The following COL5A3 variants were observed in gnomAD, a reference collection of about 807,000 sequenced individuals.
COL5A3 encodes the protein collagen type V alpha 3 chain, also known as collagen alpha-3(V) chain.
In COL5A3, 172 loss-of-function variants were observed where a neutral mutation model predicts 250.0. The observed-to-expected ratio is 0.69, with a 90% confidence interval of 0.61 to 0.78. COL5A3 has a LOEUF of 0.78. Among genes scored for constraint, COL5A3 ranks in the 30% least tolerant of loss-of-function variants. The pLI is 0.00. For missense variants in COL5A3, 2,340 were observed against 2,334.4 expected (o/e 1.00, Z -0.05); for synonymous variants, 937 against 900.4 (o/e 1.04, Z -0.73).
chr19:10,004,546 G>A (rs1392758830), intron 4 of COL5A3, among the ~76,000 whole-genome samples: 2 of 152,182 alleles, frequency 1.3e-5, no homozygotes, highest in South Asian at 4.1e-4. Context: ...GGCCAGGCTG[G>A]TCCCGAACTC....
rs866140266 is a variant in COL5A3 at position 9,968,492 on chromosome 19, C to T, written c.4207G>A (p.Gly1403Ser). The change falls in exon 59 of 67, where the codon GGC becomes AGC. Residue 1403 changes from glycine (G) to serine (S), a missense_variant and splice_region_variant. Around this residue, in one of 3 missense-constraint regions of COL5A3, gnomAD observed 1,179 missense variants for 1,162.6 expected, o/e 1.01. Coordinates refer to ENST00000264828, the MANE Select transcript of COL5A3 (RefSeq NM_015719.4). The surrounding 1 kb of genome is among the most constrained non-coding windows in gnomAD (Gnocchi z 4.1). ...KGDTGPKGEK[G>S]HIGLIGLIGP... ...ATGAGACCGATCAATCCAATGTGGC[C>T]CTGAAGGACAAAAGAGGCACAGACA... 6.3e-7 allele frequency: 1 copy of T among 1,584,464 alleles called. No homozygotes were observed. The highest frequency in any genetic ancestry group is 8.5e-7 in the Non-Finnish European group (1 of 1,170,926).
chr19:9,970,860 G>A (rs2086835036), intron 53 of COL5A3, 115 bp downstream of exon 53: 2 of 1,101,044 alleles, frequency 1.8e-6, no homozygotes, highest in South Asian at 3.5e-5. Flanking sequence ...TGAAGCGGGA[G>A]CATCTGCAGG....
In COL5A3 at chr19:10,001,653, G is replaced by A; in HGVS notation, c.981C>T (p.Asp327=). ...CCAGGGTCCCCAGCTCGGTTCCACT[G>A]TCAGGGTCCAAGCTCCTCTGAGAAC... is the stretch of plus-strand genomic sequence containing the variant. ...ATILERSLDP[D]SGTELGTLET... Residue 327 remains aspartate, a synonymous_variant, in exon 8 of 67, where the codon GAC becomes GAT. Coordinates refer to ENST00000264828, the MANE Select transcript of COL5A3 (RefSeq NM_015719.4). 6.2e-7 allele frequency: 1 copy of A among 1,614,030 alleles called. No individual in the cohort carries two copies. The highest frequency in any genetic ancestry group is 1.7e-5 in the Admixed American group (1 of 60,004).
At position 9,968,545 on chromosome 19, in the gene COL5A3, G is replaced by T; in HGVS notation, c.4207-53C>A. ...GGAGGACGTGGGAGGATTCAGGGAG[G>T]TTTTTCTCCTAGAGCCTTAGGGTGA... On this transcript the variant is annotated intron_variant, in intron 58 of 66. Coordinates refer to ENST00000264828, the MANE Select transcript of COL5A3 (RefSeq NM_015719.4). This position sits in a 1 kb window ranked among gnomAD's most constrained non-coding sequence, Gnocchi z 4.1. 1 of 1,571,468 alleles carries T rather than the reference G, an allele frequency of 6.4e-7. No individual in the cohort carries two copies. Among genetic ancestry groups the T allele is most frequent in the South Asian group, 1.2e-5 (1 of 86,368 alleles).
intron 36 of COL5A3, 23 bp downstream of exon 36, chr19:9,979,971 C>T: frequency 1.9e-6 from 3 of 1,579,600 alleles, no homozygotes; most frequent in Non-Finnish European, 2.6e-6. Context: ...CACCCAACCC[C>T]CAATGAGGGT....
chr19:9,980,771 G>A (rs890698207), intron 34 of COL5A3, 35 bp downstream of exon 34: 1 of 1,613,356 alleles, frequency 6.2e-7, no homozygotes, highest in African/African-American at 1.3e-5. Flanking sequence ...TGAGCCTGGG[G>A]CATGGGGGGC....
In COL5A3 at chr19:9,979,129, C is replaced by A; in HGVS notation, c.2874+3G>T. On this transcript the variant is annotated splice_donor_region_variant and intron_variant, in intron 39 of 66. Transcript: ENST00000264828. ...CCAAGATCTCCAGTGGACAGTGTCTCACCTTGGCCCCCTCTCTGCCTTCCA... is the reference window on the plus strand; with the variant it reads ...CCAAGATCTCCAGTGGACAGTGTCTAACCTTGGCCCCCTCTCTGCCTTCCA... 1 of 1,574,256 alleles carries A rather than the reference C, an allele frequency of 6.4e-7. No homozygotes were observed. The highest frequency in any genetic ancestry group is 1.2e-5 in the South Asian group (1 of 85,164).
intron 64 of COL5A3, among the ~76,000 whole-genome samples, chr19:9,965,476 C>T (rs12608965): frequency 0.38 from 54,716 of 142,938 alleles, 10,838 homozygotes; most frequent in East Asian, 0.56. Context: ...TTTTTCTAGG[C>T]GGAGTCTCAC....
chr19:9,965,609 C>T (rs939406733), intron 64 of COL5A3, among the ~76,000 whole-genome samples: 6 of 151,862 alleles, frequency 4.0e-5, no homozygotes, highest in Admixed American at 1.3e-4. Context: ...CCCGCCATCA[C>T]GCTCAGCTGA....
intron 27 of COL5A3, 133 bp from the exon 28 acceptor site, chr19:9,986,891 G>C: frequency 1.1e-6 from 1 of 941,204 alleles, no homozygotes; most frequent in South Asian, 1.5e-5. Context: ...GGCAGCTTCA[G>C]AAGAAATGAT....
At chr19:9,979,276 C>T (rs2086969913) in intron 38 of COL5A3, 37 bp from the exon 39 acceptor site, 9 of 1,600,642 alleles carry the variant, frequency 5.6e-6, no homozygotes, top group Non-Finnish European at 7.7e-6. Context: ...GTGGGGGTGG[C>T]CTAGGGGAGT....
chr19:9,983,649 AAGAC>A (rs773475662), intron 31 of COL5A3, among the ~76,000 whole-genome samples: 40 of 150,744 alleles, frequency 2.7e-4, no homozygotes, highest in East Asian at 2.0e-3. Context: ...GAGAGAAAGA[AAGAC>A]AGACAGAAAG....
chr19:9,963,477 G>A (rs188788502), intron 64 of COL5A3, among the ~76,000 whole-genome samples: 2 of 145,104 alleles, frequency 1.4e-5, no homozygotes, highest in East Asian at 2.1e-4. Flanking sequence ...CTGCAGCCTC[G>A]ACTTCCAAAG....
At position 10,004,075 on chromosome 19, in the gene COL5A3, G is replaced by A. The variant is rs762132898; in HGVS notation, c.665C>T (p.Pro222Leu). 1.9e-6 allele frequency: 3 copies of A among 1,613,918 alleles called. No homozygotes were observed. The African/African-American group carries it at 4.0e-5, about 22-fold the overall frequency. The change falls in exon 5 of 67, where the codon CCC (proline) becomes CTC (leucine). Residue 222 changes from proline to leucine, a missense_variant. Pro to Leu is a moderately conservative substitution (Grantham distance 98, BLOSUM62 -3). Around this residue, in one of 3 missense-constraint regions of COL5A3, gnomAD observed 1,152 missense variants for 1,146.3 expected, o/e 1.00. Coordinates refer to ENST00000264828, the MANE Select transcript of COL5A3 (RefSeq NM_015719.4). ...AAFQACERYL[P>L]DCDNLAPAAT... ...TGCCGGTGCCAGGTTGTCACAGTCG[G>A]GGAGGTACCGCTCACAAGCCTGGAA...
At chr19:9,963,077 A>G (rs1284693757) in intron 64 of COL5A3, among the ~76,000 whole-genome samples, 190 bp from the exon 65 acceptor site, 3 of 152,116 alleles carry the variant, frequency 2.0e-5, no homozygotes, top group African/African-American at 7.2e-5. Context: ...CCCTCACCCA[A>G]TGACTAATGG....
intron 8 of COL5A3, among the ~76,000 whole-genome samples, chr19:9,999,842 T>C (rs2878724): frequency 0.53 from 80,481 of 151,930 alleles, 23,241 homozygotes; most frequent in African/African-American, 0.79. Flanking sequence ...GATCATGGCT[T>C]CCTGAAGCCT....
At chr19:9,987,957 G>C (rs879783507) in intron 27 of COL5A3, among the ~76,000 whole-genome samples, 2 of 152,070 alleles carry the variant, frequency 1.3e-5, no homozygotes, top group East Asian at 3.9e-4. Flanking sequence ...ATTTAGGGCC[G>C]GGTGTGGTGG....
At chr19:10,001,295 G>A (rs890450547) in intron 8 of COL5A3, among the ~76,000 whole-genome samples, 9 of 151,770 alleles carry the variant, frequency 5.9e-5, no homozygotes, top group Non-Finnish European at 1.5e-5. Context: ...ACAGGCGCGC[G>A]CCACCGCTCC....
At chr19:9,988,821 G>A (rs1485835678) in intron 27 of COL5A3, among the ~76,000 whole-genome samples, 13 of 101,092 alleles carry the variant, frequency 1.3e-4, no homozygotes, top group Non-Finnish European at 1.8e-4. Flanking sequence ...GCGACAAAGC[G>A]AGACTCTGTC....
Sources: allele counts gnomAD v4.1 joint callset (sites outside exome capture counted in the v4.1 genomes callset), GRCh38; gene constraint gnomAD v4.1.1; regional missense constraint gnomAD v4.1.1; non-coding constraint Gnocchi (gnomAD v3.1); transcripts MANE v1.5; gene names NCBI Gene and HGNC (gene_info 2026-07-23, HGNC 2026-07-21).